TAFA2: variants seen among roughly 807,000 people sequenced by gnomAD.
TAFA2 encodes the protein chemokine-like protein TAFA-2.
In TAFA2, 7 loss-of-function variants were observed where a neutral mutation model predicts 18.8. The ratio of observed to expected loss-of-function variants is 0.37; its 90% confidence interval spans 0.21 to 0.70. TAFA2 has a LOEUF of 0.70. Ranked by LOEUF, TAFA2 falls within the 30% of genes least tolerant of loss-of-function variation. TAFA2 has a pLI of 0.53. For missense variants in TAFA2, 122 were observed against 158.1 expected, an observed-to-expected ratio of 0.77 and a Z score of 1.23; for synonymous variants, 60 against 54.2, an observed-to-expected ratio of 1.11 and a Z score of -0.47.
At chr12:62,150,344 T>A (rs1370048783) in intron 1 of TAFA2, among the ~76,000 whole-genome samples, 1 of 152,188 alleles carries the variant, frequency 6.6e-6, no homozygotes, top group Non-Finnish European at 1.5e-5. Flanking sequence ...TGGTATTAGA[T>A]ACAAGTAAAT....
intron 1 of TAFA2, among the ~76,000 whole-genome samples, chr12:61,928,837 A>G (rs1489807565): frequency 1.3e-5 from 2 of 152,126 alleles, no homozygotes; most frequent in African/African-American, 4.8e-5. Flanking sequence ...ATGCAGCCAA[A>G]AAAAACATGA....
chr12:62,234,351 A>G, intron 1 of TAFA2: 1 of 573,088 alleles, frequency 1.7e-6, no homozygotes, highest in Non-Finnish European at 3.3e-6. Context: ...TGCCAGGTCC[A>G]GTGTTCTCTG....
intron 1 of TAFA2, among the ~76,000 whole-genome samples, chr12:62,061,102 T>C (rs1332892944): frequency 6.6e-6 from 1 of 152,114 alleles, no homozygotes; most frequent in Non-Finnish European, 1.5e-5. Flanking sequence ...TTAATAAATT[T>C]AGTGTAGCCT....
intron 1 of TAFA2, among the ~76,000 whole-genome samples, chr12:62,111,210 G>GA (rs2136865888): frequency 6.6e-6 from 1 of 152,246 alleles, no homozygotes; most frequent in Non-Finnish European, 1.5e-5. Flanking sequence ...TGGTTTCAAA[G>GA]AACTTATTTA....
chr12:61,848,769 T>C (rs1873513602), intron 2 of TAFA2, among the ~76,000 whole-genome samples: 1 of 150,630 alleles, frequency 6.6e-6, no homozygotes, highest in Non-Finnish European at 1.5e-5. Context: ...ATCAGTAAAA[T>C]TAAAAATTTG....
At chr12:61,945,671 CAGAG>C (rs1878236755) in intron 1 of TAFA2, among the ~76,000 whole-genome samples, 1 of 132,912 alleles carries the variant, frequency 7.5e-6, no homozygotes, top group African/African-American at 3.0e-5. Flanking sequence ...AACAGACAAA[CAGAG>C]AGCCAAATCA....
chr12:62,235,719 G>A lies in TAFA2; in HGVS notation c.-130+23044C>T, dbSNP rs568005457. On this transcript the variant is annotated intron_variant, in intron 1 of 5. Transcript: ENST00000551619. Reference sequence around the variant, plus strand: ...AAATTTGTTGCTTTTTATTTTTAGTGGATCTATTTTAGGTTTTTGGAGGAA... The same window carrying A: ...AAATTTGTTGCTTTTTATTTTTAGTAGATCTATTTTAGGTTTTTGGAGGAA... Among the ~76,000 whole-genome samples the A allele has an allele frequency of 4.6e-5, 7 of 152,008 alleles. No individual in the cohort carries two copies. The South Asian group carries it at 8.3e-4, about 18-fold the overall frequency.
intron 1 of TAFA2, among the ~76,000 whole-genome samples, chr12:62,153,921 A>ATTATGTTATGTTATGTTATGTTATG (rs60466452): frequency 0.01 from 1,300 of 124,108 alleles, 25 homozygotes; most frequent in Non-Finnish European, 0.012. Context: ...ACATAACAAA[A>ATTATGTTATGTTATGTTATGTTATG]TTATGTTATG....
At chr12:61,962,580 T>C (rs567387206) in intron 1 of TAFA2, among the ~76,000 whole-genome samples, 4 of 152,004 alleles carry the variant, frequency 2.6e-5, no homozygotes, top group Non-Finnish European at 5.9e-5. Context: ...TATTGGAGTT[T>C]TCTTTTCAAA....
At chr12:62,027,007 A>G (rs542288875) in intron 1 of TAFA2, among the ~76,000 whole-genome samples, 1 of 152,152 alleles carries the variant, frequency 6.6e-6, no homozygotes, top group Admixed American at 6.6e-5. Flanking sequence ...CTCTTTTTGA[A>G]TAATGACTCT....
At chr12:62,018,256 C>A (rs1483910675) in intron 1 of TAFA2, among the ~76,000 whole-genome samples, 2 of 152,116 alleles carry the variant, frequency 1.3e-5, no homozygotes, top group African/African-American at 4.8e-5. Context: ...AGTTAACATA[C>A]TGGAATAACA....
chr12:62,157,382 G>T (rs1237599205), intron 1 of TAFA2, among the ~76,000 whole-genome samples: 5 of 152,128 alleles, frequency 3.3e-5, no homozygotes, highest in African/African-American at 9.7e-5. Context: ...ACAGTAATCT[G>T]ATTTTTATTG....
chr12:61,882,144 C>T (rs1476487311), intron 1 of TAFA2, among the ~76,000 whole-genome samples: 2 of 152,116 alleles, frequency 1.3e-5, no homozygotes, highest in Admixed American at 6.5e-5. Context: ...TGGGAGAATC[C>T]AGAGGCTAAA....
At chr12:62,183,860 C>T (rs1348794372) in intron 1 of TAFA2, among the ~76,000 whole-genome samples, 2 of 152,080 alleles carry the variant, frequency 1.3e-5, no homozygotes, top group Non-Finnish European at 2.9e-5. Flanking sequence ...TATTTTCTAG[C>T]CTAGTTGATC....
intron 2 of TAFA2, among the ~76,000 whole-genome samples, chr12:61,840,980 T>C (rs1433454386): frequency 1.3e-5 from 2 of 152,196 alleles, no homozygotes; most frequent in African/African-American, 4.8e-5. Flanking sequence ...AGAAACCTAA[T>C]ACTGGCACAA....
intron 1 of TAFA2, among the ~76,000 whole-genome samples, chr12:62,087,816 T>C (rs754054423): frequency 9.9e-5 from 15 of 151,744 alleles, no homozygotes; most frequent in Non-Finnish European, 1.2e-4. Flanking sequence ...CCATTAGGAG[T>C]TGTTCTAACA....
intron 1 of TAFA2, among the ~76,000 whole-genome samples, chr12:61,903,620 C>T (rs370050255): frequency 6.6e-6 from 1 of 152,102 alleles, no homozygotes; most frequent in Non-Finnish European, 1.5e-5. Flanking sequence ...CTCCTTAATA[C>T]CAAATAACCA....
At chr12:62,108,140 C>T (rs184810577) in intron 1 of TAFA2, among the ~76,000 whole-genome samples, 3 of 152,140 alleles carry the variant, frequency 2.0e-5, no homozygotes, top group Admixed American at 1.3e-4. Context: ...CTCCTCTAGT[C>T]CCCCACCCCC....
intron 1 of TAFA2, among the ~76,000 whole-genome samples, chr12:62,019,688 G>GGGGA: frequency 6.7e-6 from 1 of 150,036 alleles, no homozygotes. Flanking sequence ...GGGGAGGGAG[G>GGGGA]GGGATAGCAT....
Sources: gnomAD v4.1 joint callset for allele counts (sites outside exome capture counted in the v4.1 genomes callset) on GRCh38, gnomAD v4.1.1 for gene constraint, MANE v1.5 for transcripts, NCBI Gene and HGNC (gene_info 2026-07-23, HGNC 2026-07-21) for gene names.